Variants in NDUFB4 observed in about 807,000 individuals in gnomAD.
NDUFB4 encodes NADH dehydrogenase [ubiquinone] 1 beta subcomplex subunit 4.
NDUFB4 carries 10 observed loss-of-function variants against 14.5 expected under a neutral mutation model. That is an observed-to-expected ratio of 0.69 (90% confidence interval 0.43 to 1.17). NDUFB4 has a LOEUF of 1.17. Among genes scored for constraint, NDUFB4 ranks in the 50% most tolerant of loss-of-function variants. NDUFB4 has a pLI of 0.00. For synonymous variants in NDUFB4, 65 were observed against 63.4 expected (o/e 1.03, Z -0.12); for missense variants, 165 against 161.1 (o/e 1.02, Z -0.13).
chr3:120,600,791 A>G lies in NDUFB4; in HGVS notation c.181-320A>G, dbSNP rs188382464. Among the ~76,000 whole-genome samples the G allele has an allele frequency of 3.0e-3, 453 of 152,358 alleles. 2 individuals are homozygous for G. The highest frequency in any genetic ancestry group is 0.014 in the Middle Eastern group (4 of 294). On this transcript the variant is annotated intron_variant, in intron 1 of 2. Coordinates refer to ENST00000184266, the MANE Select transcript of NDUFB4 (RefSeq NM_004547.6). ...GTCCAGAGAAGAATAGATGAAAATG[A>G]CAAAGGAGAAAAAGTGGCTTCTCTG...
At chr3:120,601,036 C>A in intron 1 of NDUFB4, 75 bp from the exon 2 acceptor site, 1 of 1,372,964 alleles carries the variant, frequency 7.3e-7, no homozygotes, top group Non-Finnish European at 1.0e-6. Flanking sequence ...TGCTCCTTCA[C>A]AAAAGTCCCT....
At chr3:120,601,783 C>G in intron 2 of NDUFB4, 1 of 1,019,538 alleles carries the variant, frequency 9.8e-7, no homozygotes, top group South Asian at 4.0e-5. Context: ...ACTCGTCTAG[C>G]TTTGTCTTTA....
chr3:120,601,755 G>A (rs1940067980), intron 2 of NDUFB4: 3 of 1,016,160 alleles, frequency 3.0e-6, no homozygotes, highest in Non-Finnish European at 3.5e-6. Context: ...CCCCAGGCTT[G>A]TGTTGCCACT....
intron 2 of NDUFB4, 39 bp from the exon 3 acceptor site, chr3:120,602,169 A>C: frequency 6.3e-7 from 1 of 1,591,280 alleles, no homozygotes; most frequent in Non-Finnish European, 8.5e-7. Context: ...AACTGGCAGA[A>C]TATATTGTCT....
intron 1 of NDUFB4, among the ~76,000 whole-genome samples, chr3:120,599,434 A>C (rs1441874853): frequency 6.6e-6 from 1 of 152,084 alleles, no homozygotes; most frequent in Non-Finnish European, 1.5e-5. Context: ...GCGAGGTCCA[A>C]TATTAAGAGA....
chr3:120,599,096 G>T (rs888240688), intron 1 of NDUFB4, among the ~76,000 whole-genome samples: 1 of 152,096 alleles, frequency 6.6e-6, no homozygotes, highest in African/African-American at 2.4e-5. Context: ...GACTAGATGT[G>T]GTGTATGAAA....
chr3:120,599,842 G>A (rs1183555668), intron 1 of NDUFB4, among the ~76,000 whole-genome samples: 1 of 152,096 alleles, frequency 6.6e-6, no homozygotes, highest in Admixed American at 6.5e-5. Flanking sequence ...AAGAATAGAT[G>A]CATTAATCCT....
At chr3:120,597,034 G>T (rs1939973594) in intron 1 of NDUFB4, among the ~76,000 whole-genome samples, 2 of 140,702 alleles carry the variant, frequency 1.4e-5, no homozygotes, top group Admixed American at 7.1e-5. Flanking sequence ...TTATATATAT[G>T]CATATATATT....
intron 1 of NDUFB4, among the ~76,000 whole-genome samples, chr3:120,597,421 A>G (rs549803110): frequency 6.6e-6 from 1 of 152,332 alleles, no homozygotes; most frequent in South Asian, 2.1e-4. Context: ...GTAGTTTTCT[A>G]TACAGGAACT....
intron 1 of NDUFB4, 112 bp downstream of exon 1, chr3:120,596,651 T>G (rs1939961805): frequency 8.1e-7 from 1 of 1,231,912 alleles, no homozygotes; most frequent in African/African-American, 1.5e-5. Flanking sequence ...ACGCAGGTCC[T>G]CTTCCAGGCC....
chr3:120,596,966 A>G (rs1318560765), intron 1 of NDUFB4, among the ~76,000 whole-genome samples: 12 of 145,792 alleles, frequency 8.2e-5, no homozygotes, highest in East Asian at 1.9e-4. Context: ...ATATTATATT[A>G]TATATATATT....
intron 1 of NDUFB4, among the ~76,000 whole-genome samples, chr3:120,598,710 A>G (rs1254946169): frequency 1.3e-5 from 2 of 152,088 alleles, no homozygotes; most frequent in African/African-American, 4.8e-5. Context: ...CTCTCTAGGA[A>G]GGCAGCCTAC....
intron 2 of NDUFB4, 49 bp downstream of exon 2, chr3:120,601,306 C>T: frequency 6.2e-7 from 1 of 1,608,600 alleles, no homozygotes; most frequent in Middle Eastern, 1.7e-4. Flanking sequence ...GGTTCACTTT[C>T]TAGGGACCAG....
rs767493840 is a variant in NDUFB4 at position 120,602,206 on chromosome 3, A to G, written c.328-2A>G. 2 of 1,609,964 alleles carry G rather than the reference A, an allele frequency of 1.2e-6. No homozygotes were observed. The highest frequency in any genetic ancestry group is 1.7e-6 in the Non-Finnish European group (2 of 1,179,234). On this transcript the variant is annotated splice_acceptor_variant, in intron 2 of 2. Transcript: ENST00000184266. LOFTEE classifies it high-confidence loss of function. ...TAATGTACTTTTTTTCTGTCTTTACAGGATAGGAAAGAAAAACTTATCCAG... is the reference window on the plus strand; with the variant it reads ...TAATGTACTTTTTTTCTGTCTTTACGGGATAGGAAAGAAAAACTTATCCAG...
chr3:120,602,008 T>A, intron 2 of NDUFB4, 200 bp from the exon 3 acceptor site: 1 of 1,325,606 alleles, frequency 7.5e-7, no homozygotes, highest in Non-Finnish European at 9.6e-7. Context: ...TTCCTCGGAT[T>A]ACTGTTTCTT....
intron 1 of NDUFB4, among the ~76,000 whole-genome samples, chr3:120,599,296 G>T (rs752462340): frequency 6.6e-6 from 1 of 152,116 alleles, no homozygotes; most frequent in Non-Finnish European, 1.5e-5. Context: ...CAGTTGGTTG[G>T]ATATTAAGTC....
intron 1 of NDUFB4, among the ~76,000 whole-genome samples, chr3:120,599,105 AAG>A (rs1458089460): frequency 6.6e-6 from 1 of 152,176 alleles, no homozygotes; most frequent in African/African-American, 2.4e-5. Flanking sequence ...TGGTGTATGA[AAG>A]AGGAGTCAAG....
intron 1 of NDUFB4, among the ~76,000 whole-genome samples, chr3:120,597,247 C>G (rs1317012037): frequency 6.6e-6 from 1 of 151,810 alleles, no homozygotes; most frequent in Non-Finnish European, 1.5e-5. Flanking sequence ...TACTCATTGG[C>G]TAACTCTGTT....
At chr3:120,602,114 G>A in intron 2 of NDUFB4, 94 bp from the exon 3 acceptor site, 1 of 1,535,890 alleles carries the variant, frequency 6.5e-7, no homozygotes, top group Admixed American at 2.3e-5. Flanking sequence ...CCAAAATGCA[G>A]TTTTTCTTAC....
Sources: allele counts gnomAD v4.1 joint callset (sites outside exome capture counted in the v4.1 genomes callset), GRCh38; gene constraint gnomAD v4.1.1; transcripts MANE v1.5; gene names NCBI Gene and HGNC (gene_info 2026-07-23, HGNC 2026-07-21).